Variants in CTXN1 observed in about 807,000 individuals in gnomAD.
CTXN1 encodes cortexin 1.
Under a neutral mutation model 5.5 loss-of-function variants are expected in CTXN1, and 4 were observed. That is an observed-to-expected ratio of 0.73 (90% CI 0.36 to 1.68). CTXN1 has a LOEUF of 1.68. CTXN1 is among the 40% of genes most tolerant of loss of function. The probability of loss-of-function intolerance (pLI) is 0.05; values close to 1 mark genes in which losing one functional copy is unlikely to be tolerated. For synonymous variants in CTXN1, 67 were observed against 62.8 expected (o/e 1.07, Z -0.32); for missense variants, 111 against 123.0 (o/e 0.90, Z 0.46).
chr19:7,925,487 G>A lies in CTXN1; in HGVS notation c.52C>T (p.Pro18Ser), dbSNP rs79360620. ...SPEPLPPSTG[P>S]PVGAGLDAEQ... ...GCGTCCAGGCCCGCGCCCACCGGGG[G>A]CCCCGTCGACGGCGGCAGGGGCTCC... is the stretch of plus-strand genomic sequence containing the variant. The change falls in exon 2 of 2, where the codon CCC becomes TCC. Residue 18 changes from proline (P) to serine (S), a missense_variant. Pro to Ser is a moderately conservative substitution (Grantham distance 74). Coordinates refer to ENST00000318978, the MANE Select transcript of CTXN1 (RefSeq NM_206833.4). This position sits in a 1 kb window ranked among gnomAD's most constrained non-coding sequence, Gnocchi z 5.0. 21 of 1,532,690 alleles carry A rather than the reference G, an allele frequency of 1.4e-5. No homozygotes were observed. The Admixed American group carries it at 3.5e-4, about 25-fold the overall frequency. The allele number at this position is 1,532,690 out of a possible 1,614,324, so 94.9% of individuals were successfully genotyped here.
In CTXN1 at chr19:7,925,440, G is replaced by A; in HGVS notation, c.99C>T (p.Ala33=). The change falls in exon 2 of 2, where the codon GCC becomes GCT. Residue 33 remains alanine (A), a synonymous_variant. Transcript: ENST00000318978. The surrounding 1 kb of genome is among the most constrained non-coding windows in gnomAD (Gnocchi z 5.0). The part of the protein sequence containing the change: ...GLDAEQRTVF[A]FVLCLLVVLV... ...GCACCACGAGCAGGCAGAGCACGAA[G>A]GCGAACACCGTGCGCTGCTCCGCGT... 1.3e-6 allele frequency: 2 copies of A among 1,583,496 alleles called. No homozygotes were observed. The highest frequency in any genetic ancestry group is 1.7e-6 in the Non-Finnish European group (2 of 1,170,824).
rs1467212431 is a variant in CTXN1, at chr19:7,925,512, C to T, written c.27G>A (p.Pro9=). 7 of 1,488,204 alleles carry T rather than the reference C, an allele frequency of 4.7e-6. No homozygotes were observed. Among genetic ancestry groups the T allele is most frequent in the Non-Finnish European group, 5.3e-6 (6 of 1,124,302 alleles). 92.2% of individuals were successfully genotyped at this position (1,488,204 alleles called of 1,614,324 possible). Residue 9 remains proline, a synonymous_variant, in exon 2 of 2, where the codon CCG becomes CCA. Coordinates refer to ENST00000318978, the MANE Select transcript of CTXN1 (RefSeq NM_206833.4). This position sits in a 1 kb window ranked among gnomAD's most constrained non-coding sequence, Gnocchi z 5.0. MSATWTLS[P]EPLPPSTGPP... is the part of the protein sequence containing the mutation. Reference sequence around the variant, plus strand: ...GCCCCGTCGACGGCGGCAGGGGCTCCGGCGACAGCGTCCACGTCGCGCTCA... The same window carrying T: ...GCCCCGTCGACGGCGGCAGGGGCTCTGGCGACAGCGTCCACGTCGCGCTCA...
Position 7,925,357 on chromosome 19 carries a change from G to A in CTXN1, c.182C>T (p.Pro61Leu). The stretch of plus-strand genomic sequence containing the variant: ...CTTGTGGTCGGTCCAGGACGAGGCG[G>A]GCATGCGGCTGTAGGGGTCGAGCAG... ...RILLDPYSRM[P>L]ASSWTDHKEA... The change falls in exon 2 of 2, where the codon CCC (proline) becomes CTC (leucine). Residue 61 changes from proline (P) to leucine (L), a missense_variant. Transcript: ENST00000318978. The surrounding 1 kb of genome is among the most constrained non-coding windows in gnomAD (Gnocchi z 5.0). The A allele has an allele frequency of 1.3e-6, 2 of 1,577,552 alleles. No individual in the cohort carries two copies. Among genetic ancestry groups the A allele is most frequent in the Non-Finnish European group, 8.6e-7 (1 of 1,167,524 alleles).
rs768472295 is a variant in CTXN1, at chr19:7,925,240, C to T, written c.*50G>A. On this transcript the variant is annotated 3_prime_UTR_variant, in exon 2 of 2. Transcript: ENST00000318978. The surrounding 1 kb of genome is among the most constrained non-coding windows in gnomAD (Gnocchi z 5.0). ...TGGCCCCGCGGCGCCCCCCGCCGGG[C>T]CGGCCCTCTGAGACCCCGGCGCAGG... 1 of 1,223,864 alleles carries T rather than the reference C, an allele frequency of 8.2e-7. No homozygotes were observed. 75.8% of individuals were successfully genotyped at this position (1,223,864 alleles called of 1,614,324 possible). A position where few individuals can be genotyped will look rare whatever the true frequency, so the allele number is the denominator to read the frequency against.
At position 7,925,688 on chromosome 19, in the gene CTXN1, C is replaced by T; in HGVS notation, c.-20-130G>A. ...TTAACGTGCCCGACCCCATCCCCCG[C>T]CCGCGCCTCGGTCCCCGGGCTACGC... On this transcript the variant is annotated intron_variant, in intron 1 of 1. Coordinates refer to ENST00000318978, the MANE Select transcript of CTXN1 (RefSeq NM_206833.4). This position sits in a 1 kb window ranked among gnomAD's most constrained non-coding sequence, Gnocchi z 5.0. 1.2e-6 allele frequency: 1 copy of T among 806,410 alleles called. No individual in the cohort carries two copies. Among genetic ancestry groups the T allele is most frequent in the Non-Finnish European group, 1.7e-6 (1 of 600,570 alleles). The allele number at this position is 806,410 out of a possible 1,614,324, so 50.0% of individuals were successfully genotyped here. A position where few individuals can be genotyped will look rare whatever the true frequency, so the allele number is the denominator to read the frequency against.
Position 7,925,368 on chromosome 19 carries a change from G to C in CTXN1, c.171C>G (p.Tyr57Ter). 1 of 1,581,292 alleles carries C rather than the reference G, an allele frequency of 6.3e-7. No homozygotes were observed. The highest frequency in any genetic ancestry group is 8.6e-7 in the Non-Finnish European group (1 of 1,169,220). ...TCCAGGACGAGGCGGGCATGCGGCTGTAGGGGTCGAGCAGGATGCGCACGC... is the reference window on the plus strand; with the variant it reads ...TCCAGGACGAGGCGGGCATGCGGCTCTAGGGGTCGAGCAGGATGCGCACGC... ...VRCVRILLDPYSRMPASSWTD... is the reference protein window; with the variant it reads ...VRCVRILLDP The change falls in exon 2 of 2, where the codon TAC (tyrosine) becomes TAG (stop). Residue 57 changes from tyrosine to a stop codon, truncating the protein, a stop_gained. Coordinates refer to ENST00000318978, the MANE Select transcript of CTXN1 (RefSeq NM_206833.4). LOFTEE classifies it high-confidence loss of function. The surrounding 1 kb of genome is among the most constrained non-coding windows in gnomAD (Gnocchi z 5.0).
rs112484205 is a variant in CTXN1 at position 7,925,186 on chromosome 19, G to A, written c.*104C>T. 6.6e-6 allele frequency: 6 copies of A among 904,638 alleles called. No homozygotes were observed. The African/African-American group carries it at 8.7e-5, about 13-fold the overall frequency. 56.0% of individuals were successfully genotyped at this position (904,638 alleles called of 1,614,324 possible). A position where few individuals can be genotyped will look rare whatever the true frequency, so the allele number is the denominator to read the frequency against. On this transcript the variant is annotated 3_prime_UTR_variant, in exon 2 of 2. Coordinates refer to ENST00000318978, the MANE Select transcript of CTXN1 (RefSeq NM_206833.4). This position sits in a 1 kb window ranked among gnomAD's most constrained non-coding sequence, Gnocchi z 5.0. ...CCTCCCCCTCTCCCCCGGGCTGGGGGCTCCGGGGCGGGATCCTGAGCGCAG... is the reference window on the plus strand; with the variant it reads ...CCTCCCCCTCTCCCCCGGGCTGGGGACTCCGGGGCGGGATCCTGAGCGCAG...
Position 7,925,833 on chromosome 19 carries a change from A to C in CTXN1, c.-21+134T>G, listed in dbSNP as rs2145167815. On this transcript the variant is annotated intron_variant, in intron 1 of 1. Coordinates refer to ENST00000318978, the MANE Select transcript of CTXN1 (RefSeq NM_206833.4). This position sits in a 1 kb window ranked among gnomAD's most constrained non-coding sequence, Gnocchi z 5.0. ...CCGCGCCCGGCCTGGGCCGCACACA[A>C]CAGGTGCGAAAGCGCGGCCGCGGCC... The C allele has an allele frequency of 2.5e-4, 53 of 209,164 alleles. No individual in the cohort carries two copies. Among genetic ancestry groups the C allele is most frequent in the Non-Finnish European group, 3.5e-4 (37 of 106,534 alleles). The allele number at this position is 209,164 out of a possible 1,614,324, so 13.0% of individuals were successfully genotyped here.
Position 7,925,168 on chromosome 19 carries a change from C to G in CTXN1, c.*122G>C, listed in dbSNP as rs977293272. ...CTGGGCTTCTCCCAACTCCCTCCCCCTCTCCCCCGGGCTGGGGGCTCCGGG... is the reference window on the plus strand; with the variant it reads ...CTGGGCTTCTCCCAACTCCCTCCCCGTCTCCCCCGGGCTGGGGGCTCCGGG... On this transcript the variant is annotated 3_prime_UTR_variant, in exon 2 of 2. Transcript: ENST00000318978. This position sits in a 1 kb window ranked among gnomAD's most constrained non-coding sequence, Gnocchi z 5.0. 1 of 733,304 alleles carries G rather than the reference C, an allele frequency of 1.4e-6. No homozygotes were observed. The highest frequency in any genetic ancestry group is 3.5e-5 in the East Asian group (1 of 28,336). 45.4% of individuals were successfully genotyped at this position (733,304 alleles called of 1,614,324 possible). A position where few individuals can be genotyped will look rare whatever the true frequency, so the allele number is the denominator to read the frequency against.
In CTXN1 at chr19:7,925,195, C is replaced by A. The variant is rs1254520743; in HGVS notation, c.*95G>T. On this transcript the variant is annotated 3_prime_UTR_variant, in exon 2 of 2. Coordinates refer to ENST00000318978, the MANE Select transcript of CTXN1 (RefSeq NM_206833.4). The surrounding 1 kb of genome is among the most constrained non-coding windows in gnomAD (Gnocchi z 5.0). ...CTCCCCCGGGCTGGGGGCTCCGGGG[C>A]GGGATCCTGAGCGCAGTCCTGGCCC... 2 of 1,002,250 alleles carry A rather than the reference C, an allele frequency of 2.0e-6. No individual in the cohort carries two copies. The highest frequency in any genetic ancestry group is 2.6e-6 in the Non-Finnish European group (2 of 777,400). The allele number at this position is 1,002,250 out of a possible 1,614,324, so 62.1% of individuals were successfully genotyped here.
rs1030098889 is a variant in CTXN1 at position 7,925,614 on chromosome 19, C to G, written c.-20-56G>C. Reference sequence around the variant, plus strand: ...GGGGATGAGGCTGCGCCCTCCCTCCCGCGCCTCCTCCGCTTCGCCCCCTCC... The same window carrying G: ...GGGGATGAGGCTGCGCCCTCCCTCCGGCGCCTCCTCCGCTTCGCCCCCTCC... On this transcript the variant is annotated intron_variant, in intron 1 of 1. Transcript: ENST00000318978. The surrounding 1 kb of genome is among the most constrained non-coding windows in gnomAD (Gnocchi z 5.0). 3.4e-5 allele frequency: 43 copies of G among 1,268,694 alleles called. No homozygotes were observed. Among genetic ancestry groups the G allele is most frequent in the Middle Eastern group, 3.0e-4 (1 of 3,340 alleles). 78.6% of individuals were successfully genotyped at this position (1,268,694 alleles called of 1,614,324 possible).
rs1983759313 is a variant in CTXN1 at position 7,925,578 on chromosome 19, C to T, written c.-20-20G>A. 5.3e-6 allele frequency: 7 copies of T among 1,323,788 alleles called. No individual in the cohort carries two copies. Among genetic ancestry groups the T allele is most frequent in the Non-Finnish European group, 6.7e-6 (7 of 1,043,992 alleles). 82.0% of individuals were successfully genotyped at this position (1,323,788 alleles called of 1,614,324 possible). On this transcript the variant is annotated intron_variant, in intron 1 of 1. Transcript: ENST00000318978. This position sits in a 1 kb window ranked among gnomAD's most constrained non-coding sequence, Gnocchi z 5.0. ...CGCGCCCTGCGGAGGAGGGGACCCG[C>T]CCCGGGCGCCGGGGATGAGGCTGCG... is the stretch of plus-strand genomic sequence containing the variant.
chr19:7,925,828 A>C lies in CTXN1; in HGVS notation c.-21+139T>G. ...CGGAGCCGCGCCCGGCCTGGGCCGC[A>C]CACAACAGGTGCGAAAGCGCGGCCG... On this transcript the variant is annotated intron_variant, in intron 1 of 1. Coordinates refer to ENST00000318978, the MANE Select transcript of CTXN1 (RefSeq NM_206833.4). The surrounding 1 kb of genome is among the most constrained non-coding windows in gnomAD (Gnocchi z 5.0). 1 of 250,454 alleles carries C rather than the reference A, an allele frequency of 4.0e-6. No homozygotes were observed. Among genetic ancestry groups the C allele is most frequent in the East Asian group, 7.3e-5 (1 of 13,608 alleles). The allele number at this position is 250,454 out of a possible 1,614,324, so 15.5% of individuals were successfully genotyped here.
rs1599643665 is a variant in CTXN1, at chr19:7,925,603, G to A, written c.-20-45C>T. The A allele has an allele frequency of 7.7e-7, 1 of 1,292,174 alleles. No individual in the cohort carries two copies. The highest frequency in any genetic ancestry group is 9.8e-7 in the Non-Finnish European group (1 of 1,024,578). The allele number at this position is 1,292,174 out of a possible 1,614,324, so 80.0% of individuals were successfully genotyped here. A position where few individuals can be genotyped will look rare whatever the true frequency, so the allele number is the denominator to read the frequency against. ...CCCCGGGCGCCGGGGATGAGGCTGC[G>A]CCCTCCCTCCCGCGCCTCCTCCGCT... On this transcript the variant is annotated intron_variant, in intron 1 of 1. Coordinates refer to ENST00000318978, the MANE Select transcript of CTXN1 (RefSeq NM_206833.4). This position sits in a 1 kb window ranked among gnomAD's most constrained non-coding sequence, Gnocchi z 5.0.
In CTXN1 at chr19:7,925,183, G is replaced by A. The variant is rs373388988; in HGVS notation, c.*107C>T. 3.1e-5 allele frequency: 27 copies of A among 882,142 alleles called. No individual in the cohort carries two copies. The East Asian group carries it at 3.1e-4, about 10-fold the overall frequency. The allele number at this position is 882,142 out of a possible 1,614,324, so 54.6% of individuals were successfully genotyped here. On this transcript the variant is annotated 3_prime_UTR_variant, in exon 2 of 2. Coordinates refer to ENST00000318978, the MANE Select transcript of CTXN1 (RefSeq NM_206833.4). The surrounding 1 kb of genome is among the most constrained non-coding windows in gnomAD (Gnocchi z 5.0). ...CTCCCTCCCCCTCTCCCCCGGGCTG[G>A]GGGCTCCGGGGCGGGATCCTGAGCG...
rs993706887 is a variant in CTXN1, at chr19:7,925,064, G to A, written c.*226C>T. The A allele has an allele frequency of 1.6e-5, 6 of 369,020 alleles. No individual in the cohort carries two copies. Among genetic ancestry groups the A allele is most frequent in the Non-Finnish European group, 2.4e-5 (5 of 208,034 alleles). The allele number at this position is 369,020 out of a possible 1,614,324, so 22.9% of individuals were successfully genotyped here. A position where few individuals can be genotyped will look rare whatever the true frequency, so the allele number is the denominator to read the frequency against. On this transcript the variant is annotated 3_prime_UTR_variant, in exon 2 of 2. Coordinates refer to ENST00000318978, the MANE Select transcript of CTXN1 (RefSeq NM_206833.4). This position sits in a 1 kb window ranked among gnomAD's most constrained non-coding sequence, Gnocchi z 5.0. ...GCGGGTGAGATGCGCAGAGAGGAAG[G>A]GACAGGGCGGATAAAGGCACGAGGT...
At position 7,925,264 on chromosome 19, in the gene CTXN1, G is replaced by A. The variant is rs1599643389; in HGVS notation, c.*26C>T. On this transcript the variant is annotated 3_prime_UTR_variant, in exon 2 of 2. Coordinates refer to ENST00000318978, the MANE Select transcript of CTXN1 (RefSeq NM_206833.4). This position sits in a 1 kb window ranked among gnomAD's most constrained non-coding sequence, Gnocchi z 5.0. ...GCCGGCCCTCTGAGACCCCGGCGCA[G>A]GGCCGGCTAGGGGGCGCCGCGCCCC... is the stretch of plus-strand genomic sequence containing the variant. The A allele has an allele frequency of 1.5e-6, 2 of 1,300,608 alleles. No homozygotes were observed. The highest frequency in any genetic ancestry group is 3.3e-5 in the East Asian group (1 of 29,962). 80.6% of individuals were successfully genotyped at this position (1,300,608 alleles called of 1,614,324 possible). A position where few individuals can be genotyped will look rare whatever the true frequency, so the allele number is the denominator to read the frequency against.
chr19:7,925,666 A>C lies in CTXN1; in HGVS notation c.-20-108T>G. On this transcript the variant is annotated intron_variant, in intron 1 of 1. Transcript: ENST00000318978. This position sits in a 1 kb window ranked among gnomAD's most constrained non-coding sequence, Gnocchi z 5.0. ...GCCGCCGCCGCCGCCGCCTCCCTTA[A>C]CGTGCCCGACCCCATCCCCCGCCCG... is the stretch of plus-strand genomic sequence containing the variant. 2 of 950,158 alleles carry C rather than the reference A, an allele frequency of 2.1e-6. No individual in the cohort carries two copies. Among genetic ancestry groups the C allele is most frequent in the Non-Finnish European group, 2.7e-6 (2 of 727,464 alleles). The allele number at this position is 950,158 out of a possible 1,614,324, so 58.9% of individuals were successfully genotyped here.
Position 7,925,573 on chromosome 19 carries a change from A to T in CTXN1, c.-20-15T>A. 1 of 1,324,516 alleles carries T rather than the reference A, an allele frequency of 7.5e-7. No homozygotes were observed. Among genetic ancestry groups the T allele is most frequent in the South Asian group, 2.1e-5 (1 of 48,610 alleles). 82.0% of individuals were successfully genotyped at this position (1,324,516 alleles called of 1,614,324 possible). A position where few individuals can be genotyped will look rare whatever the true frequency, so the allele number is the denominator to read the frequency against. ...CGCCGCGCGCCCTGCGGAGGAGGGG[A>T]CCCGCCCCGGGCGCCGGGGATGAGG... On this transcript the variant is annotated splice_polypyrimidine_tract_variant and intron_variant, in intron 1 of 1. Coordinates refer to ENST00000318978, the MANE Select transcript of CTXN1 (RefSeq NM_206833.4). The surrounding 1 kb of genome is among the most constrained non-coding windows in gnomAD (Gnocchi z 5.0).
Sources: allele counts gnomAD v4.1 joint callset, GRCh38; gene constraint gnomAD v4.1.1; non-coding constraint Gnocchi (gnomAD v3.1); transcripts MANE v1.5; gene names NCBI Gene and HGNC (gene_info 2026-07-23, HGNC 2026-07-21).